PRKCZ: variants seen among roughly 807,000 people sequenced by gnomAD.
PRKCZ encodes the protein protein kinase C zeta, also known as protein kinase C zeta type.
Under a neutral mutation model 79.5 loss-of-function variants are expected in PRKCZ, and 33 were observed. That is an observed-to-expected ratio of 0.41 (90% confidence interval 0.31 to 0.55). The LOEUF is 0.55. PRKCZ is among the 20% of genes least tolerant of loss of function. The probability of loss-of-function intolerance (pLI) is 0.19; values close to 1 mark genes in which losing one functional copy is unlikely to be tolerated. For missense variants in PRKCZ, 578 were observed against 813.5 expected (o/e 0.71, Z 3.52); for synonymous variants, 342 against 320.9 (o/e 1.07, Z -0.70).
At chr1:2,056,251 G>T (rs1188590947) in intron 2 of PRKCZ, among the ~76,000 whole-genome samples, 1 of 152,234 alleles carries the variant, frequency 6.6e-6, no homozygotes, top group Non-Finnish European at 1.5e-5. Flanking sequence ...GCCCAGGGCT[G>T]CAGGTGTACT....
intron 2 of PRKCZ, chr1:2,055,877 G>A (rs1185965986): frequency 5.4e-5 from 15 of 277,126 alleles, no homozygotes; most frequent in Non-Finnish European, 5.4e-5. Flanking sequence ...GCCTTTTTCG[G>A]TAGGTGCTTC....
At chr1:2,155,886 G>A (rs1253469592) in intron 9 of PRKCZ, 109 bp from the exon 10 acceptor site, 2 of 937,190 alleles carry the variant, frequency 2.1e-6, no homozygotes, top group African/African-American at 1.6e-5. Context: ...TGTCTGCATT[G>A]TCTTCCTGAA....
At chr1:2,090,121 G>T (rs1389420406) in intron 4 of PRKCZ, among the ~76,000 whole-genome samples, 2 of 152,192 alleles carry the variant, frequency 1.3e-5, no homozygotes, top group Non-Finnish European at 2.9e-5. Context: ...TAAGTCTGCT[G>T]TAATGACCTC....
In PRKCZ at chr1:2,073,722, G is replaced by A. The variant is rs1661856870; in HGVS notation, c.334+14131G>A. The A allele has an allele frequency of 3.3e-5, 33 of 999,992 alleles. 1 individual carries two copies. The South Asian group carries it at 1.0e-3, about 32-fold the overall frequency. 61.9% of individuals were successfully genotyped at this position (999,992 alleles called of 1,614,324 possible). On this transcript the variant is annotated intron_variant, in intron 4 of 17. Coordinates refer to ENST00000378567, the MANE Select transcript of PRKCZ (RefSeq NM_002744.6). ...TACCACCCGGGCCTGGAGACATGAG[G>A]AGGCAGGGATGTGAGGGGCGGGGGA...
At position 2,173,542 on chromosome 1, in the gene PRKCZ, A is replaced by G. The variant is rs262641; in HGVS notation, c.1286-355A>G. ...CACAGGAGAGTATTTCCGTTACTGC[A>G]GCGAAAGGGCTTCTTCAAGCTTAGT... On this transcript the variant is annotated intron_variant, in intron 13 of 17. Transcript: ENST00000378567. This position sits in a 1 kb window ranked among gnomAD's most constrained non-coding sequence, Gnocchi z 5.7. Among the ~76,000 whole-genome samples, 43,540 of 152,138 alleles carry G rather than the reference A, an allele frequency of 0.29. 6,338 individuals are homozygous for G. Among genetic ancestry groups the G allele is most frequent in the Admixed American group, 0.36 (5,464 of 15,280 alleles).
chr1:2,144,592 G>A (rs923078042), intron 6 of PRKCZ: 91 of 1,356,152 alleles, frequency 6.7e-5, no homozygotes, highest in Non-Finnish European at 8.6e-5. Flanking sequence ...CAGGTAGGAC[G>A]TGGTACGCTC....
chr1:2,138,770 C>T (rs1676735007), intron 5 of PRKCZ, among the ~76,000 whole-genome samples: 1 of 152,142 alleles, frequency 6.6e-6, no homozygotes, highest in Admixed American at 6.5e-5. Flanking sequence ...CCCATCTGTA[C>T]TAAAAATACA....
intron 4 of PRKCZ, chr1:2,104,956 G>T (rs1263364274): frequency 1.0e-6 from 1 of 983,492 alleles, no homozygotes; most frequent in African/African-American, 1.7e-5. Context: ...ATTCAGGAGG[G>T]CGCGGCCGGC....
At position 2,143,676 on chromosome 1, in the gene PRKCZ, T is replaced by TGAAAAATACTGAACAAAGAATAC. The variant is rs1223915823; in HGVS notation, c.421-533_421-511dup. ...AATAAAGAAGGATCATTTAAAATCT[T>TGAAAAATACTGAACAAAGAATAC]GAAAAATACTGAACAAAGAATACTA... On this transcript the variant is annotated intron_variant, in intron 5 of 17. Coordinates refer to ENST00000378567, the MANE Select transcript of PRKCZ (RefSeq NM_002744.6). 3 of 152,560 alleles carry TGAAAAATACTGAACAAAGAATAC rather than the reference T, an allele frequency of 2.0e-5. No homozygotes were observed. In the East Asian group the frequency reaches 5.8e-4, roughly 29 times the overall value. The allele number at this position is 152,560 out of a possible 1,614,324, so 9.5% of individuals were successfully genotyped here.
intron 4 of PRKCZ, among the ~76,000 whole-genome samples, chr1:2,108,343 C>G (rs1023272692): frequency 1.8e-4 from 27 of 152,342 alleles, no homozygotes; most frequent in African/African-American, 6.5e-4. Flanking sequence ...TGGGCGTGGC[C>G]CCTTGTCCCT....
intron 4 of PRKCZ, among the ~76,000 whole-genome samples, chr1:2,118,713 C>G (rs919631811): frequency 3.6e-4 from 43 of 120,726 alleles, no homozygotes; most frequent in South Asian, 1.9e-3. Flanking sequence ...CACACCAGCT[C>G]TGTGTGTGTG....
intron 8 of PRKCZ, among the ~76,000 whole-genome samples, chr1:2,150,058 A>C (rs911236889): frequency 7.0e-6 from 1 of 143,854 alleles, no homozygotes; most frequent in African/African-American, 2.6e-5. Flanking sequence ...GCTACTGGGG[A>C]GGCTGAGGCA....
chr1:2,072,468 G>A (rs1183862232), intron 4 of PRKCZ, among the ~76,000 whole-genome samples: 2 of 152,208 alleles, frequency 1.3e-5, no homozygotes, highest in Non-Finnish European at 2.9e-5. Context: ...GGAGGCAGGG[G>A]GATGTGTGGG....
At chr1:2,070,330 C>T (rs182877714) in intron 4 of PRKCZ, among the ~76,000 whole-genome samples, 122 of 152,224 alleles carry the variant, frequency 8.0e-4, no homozygotes, top group African/African-American at 2.8e-3. Context: ...AGGGTGGTCC[C>T]GGTAGTGGCT....
At position 2,185,028 on chromosome 1, in the gene PRKCZ, C is replaced by G. The variant is rs762238962; in HGVS notation, c.*19C>G. On this transcript the variant is annotated 3_prime_UTR_variant, in exon 18 of 18. Transcript: ENST00000378567. ...GGTGTGAGGCCGCGTGCGTCTCTGT[C>G]GTGGACACGCGTGATTGACCCTTTA... 11 of 1,584,166 alleles carry G rather than the reference C, an allele frequency of 6.9e-6. No individual in the cohort carries two copies. Among genetic ancestry groups the G allele is most frequent in the Non-Finnish European group, 9.5e-6 (11 of 1,158,120 alleles).
At chr1:2,068,633 C>T (rs1661318835) in intron 4 of PRKCZ, among the ~76,000 whole-genome samples, 1 of 152,236 alleles carries the variant, frequency 6.6e-6, no homozygotes, top group South Asian at 2.1e-4. Flanking sequence ...ATGGACTTGT[C>T]TTTTTGGAGG....
chr1:2,062,310 C>T (rs961273114), intron 4 of PRKCZ, among the ~76,000 whole-genome samples: 8 of 152,070 alleles, frequency 5.3e-5, no homozygotes, highest in African/African-American at 1.9e-4. Context: ...TGTGGCCCTG[C>T]GGATTCTGGA....
chr1:2,184,370 CTG>C (rs1687215482), intron 16 of PRKCZ: 1 of 515,840 alleles, frequency 1.9e-6, no homozygotes, highest in Admixed American at 3.4e-5. Flanking sequence ...ATGGCCGACA[CTG>C]GCATTTCTCA....
intron 4 of PRKCZ, among the ~76,000 whole-genome samples, chr1:2,077,447 C>T (rs575217427): frequency 6.6e-6 from 1 of 152,158 alleles, no homozygotes; most frequent in Non-Finnish European, 1.5e-5. Context: ...CCTCAGCGAA[C>T]CTTGATTGTT....
Sources: allele counts gnomAD v4.1 joint callset (sites outside exome capture counted in the v4.1 genomes callset), GRCh38; gene constraint gnomAD v4.1.1; non-coding constraint Gnocchi (gnomAD v3.1); transcripts MANE v1.5; gene names NCBI Gene and HGNC (gene_info 2026-07-23, HGNC 2026-07-21).